Variants in IL6 observed in about 807,000 individuals in gnomAD.
IL6 encodes the protein interleukin 6, also known as interleukin-6.
IL6 carries 5 observed loss-of-function variants against 18.0 expected under a neutral mutation model. That is an observed-to-expected ratio of 0.28 (90% CI 0.15 to 0.58). The LOEUF (loss-of-function observed/expected upper bound fraction) is 0.58. Among genes scored for constraint, IL6 ranks in the 20% least tolerant of loss-of-function variants. The probability of loss-of-function intolerance (pLI) is 0.90; values close to 1 mark genes in which losing one functional copy is unlikely to be tolerated. For missense variants in IL6, 266 were observed against 251.0 expected (o/e 1.06, Z -0.40); for synonymous variants, 97 against 95.1 (o/e 1.02, Z -0.12).
Position 22,727,650 on chromosome 7 carries a change from G to C in IL6, c.210+16G>C. 2 of 1,535,016 alleles carry C rather than the reference G, an allele frequency of 1.3e-6. No individual in the cohort carries two copies. The highest frequency in any genetic ancestry group is 2.6e-5 in the South Asian group (2 of 76,934). On this transcript the variant is annotated intron_variant, in intron 2 of 4. Transcript: ENST00000258743. ...GAGAAAGGAGGTGGGTAGGCTTGGC[G>C]ATGGGGTTGAAGGGCCCGGTGCGCA...
Position 22,731,977 on chromosome 7 carries a change from A to T in IL6, c.*404A>T, listed in dbSNP as rs1198423942. 1 of 149,706 alleles carries T rather than the reference A, an allele frequency of 6.7e-6. No homozygotes were observed. Among genetic ancestry groups the T allele is most frequent in the Non-Finnish European group, 1.5e-5 (1 of 67,548 alleles). The allele number at this position is 149,706 out of a possible 1,614,324, so 9.3% of individuals were successfully genotyped here. A position where few individuals can be genotyped will look rare whatever the true frequency, so the allele number is the denominator to read the frequency against. Reference sequence around the variant, plus strand: ...ATGTATAAATGGTTTTTATACCAATAAATGGCATTTTAAAAAATTCAGCAA... The same window carrying T: ...ATGTATAAATGGTTTTTATACCAATTAATGGCATTTTAAAAAATTCAGCAA... On this transcript the variant is annotated 3_prime_UTR_variant, in exon 5 of 5. Coordinates refer to ENST00000258743, the MANE Select transcript of IL6 (RefSeq NM_000600.5).
rs13306435 is a variant in IL6, at chr7:22,731,420, T to C, written c.486T>C (p.Asp162=). Reference sequence around the variant, plus strand: ...TTTTCCTTCAGGCAAAGAATCTAGATGCAATAACCACCCCTGACCCAACCA... The same window carrying C: ...TTTTCCTTCAGGCAAAGAATCTAGACGCAATAACCACCCCTGACCCAACCA... ...QFLQKKAKNL[D]AITTPDPTTN... Residue 162 remains aspartate (D), a synonymous_variant, in exon 5 of 5, where the codon GAT becomes GAC. Coordinates refer to ENST00000258743, the MANE Select transcript of IL6 (RefSeq NM_000600.5). 7.6e-6 allele frequency: 12 copies of C among 1,574,034 alleles called. 1 individual carries two copies. The highest frequency in any genetic ancestry group is 5.5e-5 in the Admixed American group (3 of 54,556).
intron 2 of IL6, 160 bp from the exon 3 acceptor site, chr7:22,728,533 T>C: frequency 1.6e-6 from 1 of 607,202 alleles, no homozygotes; most frequent in Non-Finnish European, 3.0e-6. Flanking sequence ...AACCCAAGTG[T>C]GCCCCCACTC....
chr7:22,729,320 T>A (rs1784078013), intron 3 of IL6, among the ~76,000 whole-genome samples, 194 bp from the exon 4 acceptor site: 1 of 152,308 alleles, frequency 6.6e-6, no homozygotes, highest in Non-Finnish European at 1.5e-5. Flanking sequence ...TGGATAAAAC[T>A]AATTACATGG....
chr7:22,728,685 T>C lies in IL6; in HGVS notation c.211-8T>C, dbSNP rs1784062418. ...TTAGGTGATAACAATTCTGGTATTC[T>C]TTCCCAGACATGTAACAAGAGTAAC... On this transcript the variant is annotated splice_polypyrimidine_tract_variant and splice_region_variant and intron_variant, in intron 2 of 4. Transcript: ENST00000258743. 2.6e-6 allele frequency: 4 copies of C among 1,539,662 alleles called. No homozygotes were observed. Among genetic ancestry groups the C allele is most frequent in the Non-Finnish European group, 3.6e-6 (4 of 1,112,300 alleles).
At chr7:22,728,880 A>G (rs1483566694) in intron 3 of IL6, 74 bp downstream of exon 3, 2 of 825,264 alleles carry the variant, frequency 2.4e-6, no homozygotes, top group Non-Finnish European at 4.3e-6. Flanking sequence ...GTGCCTGTAT[A>G]CATATAGATC....
At chr7:22,728,102 G>A in intron 2 of IL6, among the ~76,000 whole-genome samples, 1 of 152,144 alleles carries the variant, frequency 6.6e-6, no homozygotes, top group East Asian at 1.9e-4. Flanking sequence ...CACCAAAGTG[G>A]CAAATCATAA....
Position 22,728,864 on chromosome 7 carries a change from C to G in IL6, c.324+58C>G, listed in dbSNP as rs919881484. The G allele has an allele frequency of 3.8e-5, 35 of 909,672 alleles. No homozygotes were observed. The South Asian group carries it at 4.3e-4, about 11-fold the overall frequency. 56.4% of individuals were successfully genotyped at this position (909,672 alleles called of 1,614,324 possible). A position where few individuals can be genotyped will look rare whatever the true frequency, so the allele number is the denominator to read the frequency against. ...CCTTAGGCAAAACTTCTCCCTCTTG[C>G]ATGCAGTGCCTGTATACATATAGAT... On this transcript the variant is annotated intron_variant, in intron 3 of 4. Coordinates refer to ENST00000258743, the MANE Select transcript of IL6 (RefSeq NM_000600.5).
intron 4 of IL6, among the ~76,000 whole-genome samples, chr7:22,730,726 G>T (rs545455912): frequency 5.9e-5 from 9 of 152,150 alleles, no homozygotes; most frequent in Non-Finnish European, 1.3e-4. Flanking sequence ...AGTGATGCTG[G>T]TCAGGCTTGG....
At chr7:22,727,402 G>A (rs1313256877) in intron 1 of IL6, 42 bp from the exon 2 acceptor site, 4 of 1,613,234 alleles carry the variant, frequency 2.5e-6, no homozygotes, top group Non-Finnish European at 2.5e-6. Context: ...GCTCCCAGCT[G>A]TGCTGTCAGC....
chr7:22,731,226 CAAA>C (rs747195700), intron 4 of IL6, among the ~76,000 whole-genome samples, 177 bp from the exon 5 acceptor site: 2 of 129,674 alleles, frequency 1.5e-5, no homozygotes, highest in Non-Finnish European at 1.7e-5. Flanking sequence ...GACCTTGACT[CAAA>C]AAAAAAAAAA....
chr7:22,727,383 C>G, intron 1 of IL6, 61 bp from the exon 2 acceptor site: 1 of 1,612,908 alleles, frequency 6.2e-7, no homozygotes, highest in African/African-American at 1.3e-5. Flanking sequence ...CGGCCAGCAG[C>G]AGAGGCAGGC....
At chr7:22,727,375 G>GCCAGCAGCAGAGGCAGGCTC (rs1421550023) in intron 1 of IL6, 69 bp from the exon 2 acceptor site, 1 of 1,613,204 alleles carries the variant, frequency 6.2e-7, no homozygotes. Flanking sequence ...CTGGCGGGCG[G>GCCAGCAGCAGAGGCAGGCTC]CCAGCAGCAG....
intron 2 of IL6, 83 bp downstream of exon 2, chr7:22,727,717 A>C (rs1784040566): frequency 6.9e-7 from 1 of 1,459,760 alleles, no homozygotes; most frequent in Non-Finnish European, 9.2e-7. Context: ...GGCTGCCTGC[A>C]TTAGGAGGTC....
intron 4 of IL6, chr7:22,730,248 G>A (rs140747517): frequency 3.0e-6 from 3 of 985,392 alleles, no homozygotes; most frequent in African/African-American, 3.5e-5. Context: ...AAGGGGCCTA[G>A]AATGAAACCC....
chr7:22,729,947 G>C (rs1041312369), intron 4 of IL6: 5 of 1,350,272 alleles, frequency 3.7e-6, no homozygotes, highest in Middle Eastern at 2.7e-4. Context: ...AACCAAAGGC[G>C]GGGGGGCGGG....
rs370818995 is a variant in IL6 at position 22,728,696 on chromosome 7, T to C, written c.214T>C (p.Cys72Arg). ...DGISALRKET[C>R]NKSNMCESSK... The stretch of plus-strand genomic sequence containing the variant: ...CAATTCTGGTATTCTTTCCCAGACA[T>C]GTAACAAGAGTAACATGTGTGAAAG... The change falls in exon 3 of 5, where the codon TGT becomes CGT. Residue 72 changes from cysteine (C) to arginine (R), a missense_variant. Physicochemically the swap from Cys to Arg is radical, Grantham distance 180. Coordinates refer to ENST00000258743, the MANE Select transcript of IL6 (RefSeq NM_000600.5). 5.0e-6 allele frequency: 8 copies of C among 1,588,518 alleles called. No individual in the cohort carries two copies. In the African/African-American group the frequency reaches 9.4e-5, roughly 19 times the overall value.
intron 2 of IL6, chr7:22,728,374 G>A (rs1332926320): frequency 3.6e-6 from 1 of 275,804 alleles, no homozygotes; most frequent in Non-Finnish European, 7.0e-6. Context: ...CAAAATTGCT[G>A]TTATTAAGTA....
chr7:22,729,258 G>A (rs1784076275), intron 3 of IL6, among the ~76,000 whole-genome samples: 1 of 152,126 alleles, frequency 6.6e-6, no homozygotes, highest in African/African-American at 2.4e-5. Context: ...AACATCAAGG[G>A]GGACAATCAG....
Sources: gnomAD v4.1 joint callset for allele counts (sites outside exome capture counted in the v4.1 genomes callset) on GRCh38, gnomAD v4.1.1 for gene constraint, MANE v1.5 for transcripts, NCBI Gene and HGNC (gene_info 2026-07-23, HGNC 2026-07-21) for gene names.